DCC: variants seen among roughly 807,000 people sequenced by gnomAD.
DCC encodes the protein netrin receptor DCC.
Under a neutral mutation model 172.5 loss-of-function variants are expected in DCC, and 58 were observed. That is an observed-to-expected ratio of 0.34 (90% CI 0.27 to 0.42). The LOEUF (loss-of-function observed/expected upper bound fraction) is 0.42, where lower values mean the gene tolerates loss of function less well. Among genes scored for constraint, DCC ranks in the 10% least tolerant of loss-of-function variants. The pLI, the probability that DCC is intolerant of heterozygous loss-of-function variation, is 1.00. For missense variants in DCC, 1,740 were observed against 1,791.0 expected (o/e 0.97, Z 0.51); for synonymous variants, 709 against 644.5 (o/e 1.10, Z -1.52).
chr18:53,393,918 T>TCTCTCTCTCTCTCTCTCTCTCC (rs1206586156), intron 17 of DCC, among the ~76,000 whole-genome samples: 4 of 151,624 alleles, frequency 2.6e-5, no homozygotes, highest in African/African-American at 7.3e-5. Flanking sequence ...TCTCTCCCTC[T>TCTCTCTCTCTCTCTCTCTCTCC]CTCCCTCCCT....
chr18:52,620,031 C>A (rs1233887516), intron 1 of DCC, among the ~76,000 whole-genome samples: 2 of 152,194 alleles, frequency 1.3e-5, no homozygotes, highest in African/African-American at 4.8e-5. Context: ...ATTGGAAAGG[C>A]CATTGAGGCC....
At chr18:53,157,548 G>A (rs747136660) in intron 8 of DCC, 36 bp downstream of exon 8, 3 of 1,610,252 alleles carry the variant, frequency 1.9e-6, no homozygotes, top group Non-Finnish European at 2.5e-6. Context: ...AGCTTAATCG[G>A]TCATCTCTTT....
At position 53,056,864 on chromosome 18, in the gene DCC, C is replaced by G. The variant is rs2042412024; in HGVS notation, c.986-6441C>G. On this transcript the variant is annotated intron_variant, in intron 5 of 28. Transcript: ENST00000442544. ...TCAGTCACCAGAGTGGTTTGTGCTG[C>G]CTATTGTTAATTTAAACCAACTGCA... Among the ~76,000 whole-genome samples the G allele has an allele frequency of 2.0e-5, 3 of 151,650 alleles. No homozygotes were observed. The South Asian group carries it at 6.2e-4, about 32-fold the overall frequency.
At chr18:53,137,845 T>C (rs2043768905) in intron 7 of DCC, among the ~76,000 whole-genome samples, 1 of 152,130 alleles carries the variant, frequency 6.6e-6, no homozygotes. Context: ...AGACAAGGTC[T>C]CACTCTGTCA....
intron 12 of DCC, among the ~76,000 whole-genome samples, chr18:53,234,880 T>A (rs1188338455): frequency 6.6e-6 from 1 of 152,260 alleles, no homozygotes; most frequent in Non-Finnish European, 1.5e-5. Context: ...GATGACTAGA[T>A]GGTTTGTTCC....
chr18:52,932,170 AT>A (rs1390224624), intron 5 of DCC, among the ~76,000 whole-genome samples: 1 of 152,170 alleles, frequency 6.6e-6, no homozygotes, highest in Non-Finnish European at 1.5e-5. Context: ...CCTAACTTTT[AT>A]AAAAGAAGTC....
intron 1 of DCC, among the ~76,000 whole-genome samples, chr18:52,679,972 G>A (rs530292523): frequency 1.3e-4 from 20 of 152,028 alleles, no homozygotes; most frequent in African/African-American, 4.6e-4. Flanking sequence ...AGATAAAATT[G>A]TACGGAATTC....
intron 8 of DCC, among the ~76,000 whole-genome samples, chr18:53,168,485 T>G (rs1385181982): frequency 6.6e-6 from 1 of 150,552 alleles, no homozygotes; most frequent in African/African-American, 2.5e-5. Context: ...AAACACCACA[T>G]GTTCTTACTT....
intron 2 of DCC, among the ~76,000 whole-genome samples, chr18:52,842,614 C>T (rs910205325): frequency 3.9e-5 from 6 of 152,186 alleles, no homozygotes; most frequent in Admixed American, 3.3e-4. Context: ...GTGTGCATCA[C>T]ATGGCCTAGT....
intron 8 of DCC, among the ~76,000 whole-genome samples, chr18:53,160,525 C>T (rs1476077577): frequency 6.6e-6 from 1 of 152,158 alleles, no homozygotes; most frequent in African/African-American, 2.4e-5. Flanking sequence ...AAAACCAACT[C>T]AAGTAAATGT....
chr18:52,949,041 A>G (rs2040594485), intron 5 of DCC, among the ~76,000 whole-genome samples: 1 of 152,206 alleles, frequency 6.6e-6, no homozygotes, highest in Non-Finnish European at 1.5e-5. Flanking sequence ...TAATAGTCAC[A>G]GATATCAGGT....
intron 2 of DCC, among the ~76,000 whole-genome samples, chr18:52,774,796 G>A (rs1568094812): frequency 6.6e-6 from 1 of 152,132 alleles, no homozygotes; most frequent in Non-Finnish European, 1.5e-5. Context: ...GAGTGTCTGC[G>A]GCTGTCGAGG....
intron 12 of DCC, among the ~76,000 whole-genome samples, chr18:53,256,031 A>G (rs1457537800): frequency 6.6e-6 from 1 of 152,104 alleles, no homozygotes; most frequent in Non-Finnish European, 1.5e-5. Flanking sequence ...GTGTCTGTTC[A>G]TGTCCTTCAC....
chr18:53,489,953 G>C (rs775361021), intron 26 of DCC, among the ~76,000 whole-genome samples: 2 of 152,084 alleles, frequency 1.3e-5, no homozygotes, highest in African/African-American at 2.4e-5. Flanking sequence ...AGATAGTCTT[G>C]GGGCCTCATT....
chr18:52,680,920 A>C (rs1481052095), intron 1 of DCC, among the ~76,000 whole-genome samples: 1 of 152,100 alleles, frequency 6.6e-6, no homozygotes, highest in Non-Finnish European at 1.5e-5. Flanking sequence ...GTTGGTTAAA[A>C]CGCAGAAGAA....
chr18:53,296,531 A>G (rs1312709890), intron 12 of DCC, among the ~76,000 whole-genome samples: 1 of 152,182 alleles, frequency 6.6e-6, no homozygotes, highest in African/African-American at 2.4e-5. Flanking sequence ...CCAGAAAGGT[A>G]ACTGAGATGG....
chr18:53,407,734 T>C (rs1909759390), intron 19 of DCC, among the ~76,000 whole-genome samples: 1 of 151,764 alleles, frequency 6.6e-6, no homozygotes, highest in African/African-American at 2.4e-5. Context: ...CACACATATA[T>C]CTCCAGTAGC....
intron 5 of DCC, among the ~76,000 whole-genome samples, chr18:53,000,339 A>G (rs1228864786): frequency 6.6e-6 from 1 of 152,006 alleles, no homozygotes; most frequent in African/African-American, 2.4e-5. Flanking sequence ...AGCCCCCTTC[A>G]CATTATCCTT....
intron 12 of DCC, among the ~76,000 whole-genome samples, chr18:53,276,641 C>T (rs191821819): frequency 5.0e-4 from 76 of 152,066 alleles, no homozygotes; most frequent in Admixed American, 2.9e-3. Flanking sequence ...AATAATCATG[C>T]AGATGGAAAT....
Sources: allele counts gnomAD v4.1 joint callset (sites outside exome capture counted in the v4.1 genomes callset), GRCh38; gene constraint gnomAD v4.1.1; transcripts MANE v1.5; gene names NCBI Gene and HGNC (gene_info 2026-07-23, HGNC 2026-07-21).